MARK4: variants seen among roughly 807,000 people sequenced by gnomAD.
The protein encoded by MARK4 is MAP/microtubule affinity-regulating kinase 4.
MARK4 carries 19 observed loss-of-function variants against 81.5 expected under a neutral mutation model. That is an observed-to-expected ratio of 0.23 (90% CI 0.16 to 0.34). The LOEUF (loss-of-function observed/expected upper bound fraction) is 0.34, where lower values mean the gene tolerates loss of function less well. MARK4 is among the 10% of genes least tolerant of loss of function. The pLI is 1.00. For missense variants in MARK4, 772 were observed against 1,058.8 expected, an observed-to-expected ratio of 0.73 and a Z score of 3.76; for synonymous variants, 436 against 439.0, an observed-to-expected ratio of 0.99 and a Z score of 0.08.
intron 12 of MARK4, among the ~76,000 whole-genome samples, chr19:45,285,061 A>C (rs1970724209): frequency 6.6e-6 from 1 of 152,106 alleles, no homozygotes; most frequent in Non-Finnish European, 1.5e-5. Flanking sequence ...ATTGCACTTC[A>C]GCCTGGGCGG....
At chr19:45,262,426 A>G (rs540723414) in intron 2 of MARK4, among the ~76,000 whole-genome samples, 3 of 152,188 alleles carry the variant, frequency 2.0e-5, no homozygotes, top group Non-Finnish European at 4.4e-5. Context: ...TGTGAAGATT[A>G]AGAGTTCTCG....
chr19:45,253,193 AC>A (rs200766071), intron 1 of MARK4, among the ~76,000 whole-genome samples: 1,293 of 85,130 alleles, frequency 0.015, 27 homozygotes, highest in African/African-American at 0.048. Context: ...ACCCCCCCAC[AC>A]ACACACACCA....
At position 45,263,310 on chromosome 19, in the gene MARK4, C is replaced by T; in HGVS notation, c.307-9C>T. 6.2e-7 allele frequency: 1 copy of T among 1,614,202 alleles called. No individual in the cohort carries two copies. Among genetic ancestry groups the T allele is most frequent in the African/African-American group, 1.3e-5 (1 of 75,064 alleles). ...ACTCTCCTCTGTCTTCCTTTCTGGC[C>T]ACGCCCAGCTGTTCCGAGAAGTCCG... On this transcript the variant is annotated splice_polypyrimidine_tract_variant and intron_variant, in intron 3 of 16. Transcript: ENST00000262891.
chr19:45,274,793 G>C lies in MARK4; in HGVS notation c.786+3085G>C, dbSNP rs911048303. Among the ~76,000 whole-genome samples, 3 of 152,300 alleles carry C rather than the reference G, an allele frequency of 2.0e-5. No individual in the cohort carries two copies. In the East Asian group the frequency reaches 5.8e-4, roughly 29 times the overall value. On this transcript the variant is annotated intron_variant, in intron 8 of 16. Transcript: ENST00000262891. ...CAGGCCAGTGTCTTACCTGCCCCAG[G>C]TCCTTGTCACTTTCTGCCATCCTGG...
intron 14 of MARK4, among the ~76,000 whole-genome samples, chr19:45,296,577 G>C (rs1413905065): frequency 6.6e-6 from 1 of 152,252 alleles, no homozygotes; most frequent in Admixed American, 6.5e-5. Context: ...AGCTGCAAGA[G>C]AGTCTGGGAA....
chr19:45,276,684 G>C (rs1239062570), intron 8 of MARK4, among the ~76,000 whole-genome samples: 14 of 149,936 alleles, frequency 9.3e-5, no homozygotes, highest in Admixed American at 8.7e-4. Flanking sequence ...GGAGTGCAGT[G>C]GCGCAGTCTC....
intron 7 of MARK4, among the ~76,000 whole-genome samples, chr19:45,268,625 G>A (rs1970486295): frequency 6.6e-6 from 1 of 151,548 alleles, no homozygotes; most frequent in Non-Finnish European, 1.5e-5. Context: ...TATGCCTGTG[G>A]TCTCAGCTAC....
intron 2 of MARK4, among the ~76,000 whole-genome samples, chr19:45,259,860 G>GTA (rs1161507823): frequency 6.6e-6 from 1 of 152,194 alleles, no homozygotes; most frequent in Non-Finnish European, 1.5e-5. Context: ...GCTGAGGCAG[G>GTA]TGGATTGCTT....
chr19:45,266,346 C>A (rs1406976921), intron 7 of MARK4, 65 bp downstream of exon 7: 1 of 1,514,002 alleles, frequency 6.6e-7, no homozygotes, highest in Non-Finnish European at 9.2e-7. Context: ...TCCCTGCCCC[C>A]ACCCCTCCAT....
intron 4 of MARK4, 68 bp from the exon 5 acceptor site, chr19:45,264,616 A>G: frequency 2.1e-6 from 3 of 1,460,556 alleles, no homozygotes; most frequent in African/African-American, 2.8e-5. Flanking sequence ...ACATTTGCAT[A>G]GTTACTGAGG....
In MARK4 at chr19:45,256,772, C is replaced by T. The variant is rs577885050; in HGVS notation, c.52-2217C>T. Among the ~76,000 whole-genome samples the T allele has an allele frequency of 3.3e-5, 5 of 152,322 alleles. No individual in the cohort carries two copies. The East Asian group carries it at 9.6e-4, about 29-fold the overall frequency. On this transcript the variant is annotated intron_variant, in intron 1 of 16. Coordinates refer to ENST00000262891, the MANE Select transcript of MARK4 (RefSeq NM_001199867.2). ...TTTGCCTTATTGAGCTTCACAGATACAGTGTTTTCTACAAATTGAAGGTTT... is the reference window on the plus strand; with the variant it reads ...TTTGCCTTATTGAGCTTCACAGATATAGTGTTTTCTACAAATTGAAGGTTT...
chr19:45,302,588 G>A lies in MARK4; in HGVS notation c.2137G>A (p.Glu713Lys). ...CGGGCCCGAGCCCCTGTCCCACTTC[G>A]AAGTGGAGGTCTGCCAGCTGCCCCG... is the stretch of plus-strand genomic sequence containing the variant. ...AGGPEPLSHF[E>K]VEVCQLPRPG... Residue 713 changes from glutamate (E) to lysine (K), a missense_variant, in exon 17 of 17, where the codon GAA becomes AAA. By Grantham distance (56) the Glu-to-Lys change is moderately conservative. Transcript: ENST00000262891. This position sits in a 1 kb window ranked among gnomAD's most constrained non-coding sequence, Gnocchi z 4.9. 1.9e-6 allele frequency: 3 copies of A among 1,574,064 alleles called. No individual in the cohort carries two copies. Among genetic ancestry groups the A allele is most frequent in the Non-Finnish European group, 1.7e-6 (2 of 1,166,740 alleles).
rs2123041398 is a variant in MARK4, at chr19:45,265,040, C to CA, written c.492+131dup. On this transcript the variant is annotated intron_variant, in intron 6 of 16. Transcript: ENST00000262891. The stretch of plus-strand genomic sequence containing the variant: ...TTAAGTCTGGGCAGGGGTGAAGGTG[C>CA]AGAGCTGGGTGTGCTGGGCATATAG... 2.3e-5 allele frequency: 20 copies of CA among 854,776 alleles called. 2 individuals are homozygous for CA. In the South Asian group the frequency reaches 3.0e-4, roughly 13 times the overall value. The allele number at this position is 854,776 out of a possible 1,614,324, so 52.9% of individuals were successfully genotyped here.
At chr19:45,257,643 A>G (rs1375916670) in intron 1 of MARK4, among the ~76,000 whole-genome samples, 4 of 150,974 alleles carry the variant, frequency 2.6e-5, no homozygotes, top group Non-Finnish European at 4.4e-5. Context: ...TTGGCCTCCC[A>G]AAGTGCTGGG....
chr19:45,281,077 G>C (rs1970668150), intron 12 of MARK4, among the ~76,000 whole-genome samples: 2 of 151,520 alleles, frequency 1.3e-5, no homozygotes, highest in African/African-American at 4.9e-5. Context: ...TTTTGAGATG[G>C]AGTCTCACTC....
At chr19:45,267,206 C>T (rs921487144) in intron 7 of MARK4, among the ~76,000 whole-genome samples, 1 of 152,220 alleles carries the variant, frequency 6.6e-6, no homozygotes, top group Middle Eastern at 3.4e-3. Context: ...TCACAGGCAC[C>T]TGTCACCATG....
chr19:45,273,159 T>G (rs1232665098), intron 8 of MARK4, among the ~76,000 whole-genome samples: 2 of 151,874 alleles, frequency 1.3e-5, no homozygotes, highest in East Asian at 3.9e-4. Context: ...CTTTGAACTT[T>G]TTATTTTGAA....
chr19:45,278,106 G>GC, intron 9 of MARK4, 64 bp downstream of exon 9: 2 of 1,590,214 alleles, frequency 1.3e-6, no homozygotes, highest in East Asian at 2.2e-5. Flanking sequence ...AACTCTGCCT[G>GC]CCCCCACCCA....
Position 45,263,240 on chromosome 19 carries a change from G to A in MARK4, c.306+74G>A. 3 of 1,613,650 alleles carry A rather than the reference G, an allele frequency of 1.9e-6. No homozygotes were observed. In the South Asian group the frequency reaches 3.3e-5, roughly 18 times the overall value. On this transcript the variant is annotated intron_variant, in intron 3 of 16. Coordinates refer to ENST00000262891, the MANE Select transcript of MARK4 (RefSeq NM_001199867.2). ...CCGGGTGACCCACCTGACCCTTCCT[G>A]CGGGGGCCCGGCTGGGGAAAGGATC...
Sources: gnomAD v4.1 joint callset for allele counts (sites outside exome capture counted in the v4.1 genomes callset) on GRCh38, gnomAD v4.1.1 for gene constraint, Gnocchi (gnomAD v3.1) non-coding constraint, MANE v1.5 for transcripts, NCBI Gene and HGNC (gene_info 2026-07-23, HGNC 2026-07-21) for gene names.